Variants in SLC25A31 observed in about 807,000 individuals in gnomAD.
The protein encoded by SLC25A31 is ADP/ATP translocase 4.
A neutral mutation model predicts 36.2 loss-of-function variants in SLC25A31; 40 were observed. That is an observed-to-expected ratio of 1.10 (90% CI 0.86 to 1.44). SLC25A31 has a LOEUF of 1.44. SLC25A31 is among the 40% of genes most tolerant of loss of function. The pLI is 0.00. For missense variants in SLC25A31, 350 were observed against 397.1 expected (o/e 0.88, Z 1.01); for synonymous variants, 143 against 149.7 (o/e 0.96, Z 0.32).
chr4:127,772,741 A>C (rs1272414604), intron 5 of SLC25A31, among the ~76,000 whole-genome samples: 2 of 151,788 alleles, frequency 1.3e-5, no homozygotes, highest in African/African-American at 4.8e-5. Context: ...ATTTTCTGAG[A>C]AGAAGTGTTC....
intron 5 of SLC25A31, among the ~76,000 whole-genome samples, chr4:127,771,082 G>A (rs996776225): frequency 4.7e-5 from 7 of 148,768 alleles, no homozygotes; most frequent in Admixed American, 6.7e-5. Context: ...TCAGCCTCCC[G>A]AGTAGCTGAG....
At chr4:127,756,437 G>A (rs1366014644) in intron 2 of SLC25A31, among the ~76,000 whole-genome samples, 1 of 152,124 alleles carries the variant, frequency 6.6e-6, no homozygotes, top group South Asian at 2.1e-4. Flanking sequence ...ATGGAGCGTG[G>A]GGGGATGAGG....
Position 127,730,419 on chromosome 4 carries a change from A to C in SLC25A31, c.-127A>C, listed in dbSNP as rs993659573. The C allele has an allele frequency of 1.4e-5, 15 of 1,038,226 alleles. No homozygotes were observed. The highest frequency in any genetic ancestry group is 3.2e-5 in the African/African-American group (2 of 61,958). The allele number at this position is 1,038,226 out of a possible 1,614,324, so 64.3% of individuals were successfully genotyped here. Reference sequence around the variant, plus strand: ...CGCCTCGCCGGCGCGCGGCTCTCTCAGCGTCCCAAGAGCCACTTTCTCGCC... The same window carrying C: ...CGCCTCGCCGGCGCGCGGCTCTCTCCGCGTCCCAAGAGCCACTTTCTCGCC... On this transcript the variant is annotated 5_prime_UTR_variant, in exon 1 of 6. Coordinates refer to ENST00000281154, the MANE Select transcript of SLC25A31 (RefSeq NM_031291.4).
rs1319092389 is a variant in SLC25A31 at position 127,738,703 on chromosome 4, T to C, written c.233-5969T>C. On this transcript the variant is annotated intron_variant, in intron 1 of 5. Coordinates refer to ENST00000281154, the MANE Select transcript of SLC25A31 (RefSeq NM_031291.4). ...TGATGGTCTAAAGCTGTTGGTGGGG[T>C]GTTGAAGTCCCCCACTCTTATTGTG... Among the ~76,000 whole-genome samples, 6 of 152,156 alleles carry C rather than the reference T, an allele frequency of 3.9e-5. No homozygotes were observed. In the East Asian group the frequency reaches 1.2e-3, roughly 29 times the overall value.
chr4:127,742,431 A>G (rs1247598696), intron 1 of SLC25A31, among the ~76,000 whole-genome samples: 2 of 152,248 alleles, frequency 1.3e-5, no homozygotes, highest in East Asian at 3.9e-4. Context: ...CCTTCTTCTT[A>G]TTCCTCCCTA....
chr4:127,761,466 A>G (rs1732128333), intron 2 of SLC25A31, among the ~76,000 whole-genome samples: 1 of 152,146 alleles, frequency 6.6e-6, no homozygotes, highest in Non-Finnish European at 1.5e-5. Flanking sequence ...TGGCACTTGA[A>G]TTTCAGCCAC....
Position 127,730,488 on chromosome 4 carries a change from T to G in SLC25A31, c.-58T>G, listed in dbSNP as rs1412399518. 1.3e-6 allele frequency: 2 copies of G among 1,549,746 alleles called. No homozygotes were observed. Among genetic ancestry groups the G allele is most frequent in the Non-Finnish European group, 1.8e-6 (2 of 1,128,434 alleles). On this transcript the variant is annotated 5_prime_UTR_variant, in exon 1 of 6. Coordinates refer to ENST00000281154, the MANE Select transcript of SLC25A31 (RefSeq NM_031291.4). ...TTTTCCGGTTTTCCGCTTCCCTTCA[T>G]CGTAGCTCCCGTACTCATTTTTAGC...
intron 1 of SLC25A31, among the ~76,000 whole-genome samples, chr4:127,743,505 A>G (rs1394810439): frequency 6.6e-6 from 1 of 152,202 alleles, no homozygotes; most frequent in African/African-American, 2.4e-5. Flanking sequence ...AACCTACATA[A>G]TAAGCATAAT....
intron 5 of SLC25A31, among the ~76,000 whole-genome samples, chr4:127,772,458 T>A (rs1258907050): frequency 6.6e-6 from 1 of 152,172 alleles, no homozygotes; most frequent in Non-Finnish European, 1.5e-5. Flanking sequence ...CCTCAAACAA[T>A]ATTTCCAAAC....
intron 1 of SLC25A31, among the ~76,000 whole-genome samples, chr4:127,740,419 C>T (rs1578657045): frequency 6.6e-6 from 1 of 152,104 alleles, no homozygotes; most frequent in African/African-American, 2.4e-5. Flanking sequence ...GCATGTATGT[C>T]AGCAGGTTTT....
chr4:127,731,816 A>C (rs1376011369), intron 1 of SLC25A31, among the ~76,000 whole-genome samples: 1 of 152,094 alleles, frequency 6.6e-6, no homozygotes, highest in African/African-American at 2.4e-5. Context: ...AAAAAAAAAA[A>C]CTTTAAACTA....
chr4:127,752,138 T>C (rs1731945659), intron 2 of SLC25A31, among the ~76,000 whole-genome samples: 1 of 152,206 alleles, frequency 6.6e-6, no homozygotes, highest in Non-Finnish European at 1.5e-5. Context: ...ATTGCGGCAC[T>C]ATTCACAATA....
chr4:127,734,726 A>G (rs1262387277), intron 1 of SLC25A31, among the ~76,000 whole-genome samples: 1 of 152,062 alleles, frequency 6.6e-6, no homozygotes, highest in Non-Finnish European at 1.5e-5. Flanking sequence ...TTAATATCCT[A>G]GGGTCCATCT....
intron 2 of SLC25A31, among the ~76,000 whole-genome samples, chr4:127,751,216 A>T (rs1330800622): frequency 6.6e-6 from 1 of 152,204 alleles, no homozygotes; most frequent in African/African-American, 2.4e-5. Context: ...TACTGGTATC[A>T]AAACAGAGAT....
chr4:127,766,702 G>A (rs1266081288), intron 3 of SLC25A31, among the ~76,000 whole-genome samples: 1 of 152,136 alleles, frequency 6.6e-6, no homozygotes. Flanking sequence ...GCCTCAAGCA[G>A]TCCTTCTGCC....
chr4:127,738,120 G>C (rs1030548894), intron 1 of SLC25A31, among the ~76,000 whole-genome samples: 1 of 152,138 alleles, frequency 6.6e-6, no homozygotes, highest in Non-Finnish European at 1.5e-5. Context: ...CCAGGCTGGA[G>C]TGTGGTGGCA....
Position 127,767,233 on chromosome 4 carries a change from C to A in SLC25A31, c.633+13C>A. ...TGACACAGTTAAGGTAATCTGGGGG[C>A]TTTAACTTGGACATATTAAATATAT... On this transcript the variant is annotated intron_variant, in intron 4 of 5. Transcript: ENST00000281154. The A allele has an allele frequency of 6.5e-7, 1 of 1,536,586 alleles. No individual in the cohort carries two copies. The highest frequency in any genetic ancestry group is 8.7e-7 in the Non-Finnish European group (1 of 1,142,912).
intron 1 of SLC25A31, among the ~76,000 whole-genome samples, chr4:127,738,566 G>A (rs1472597070): frequency 6.6e-6 from 1 of 152,212 alleles, no homozygotes; most frequent in Admixed American, 6.5e-5. Flanking sequence ...ATGTGTAGAA[G>A]AGAAGAATGT....
At chr4:127,760,112 A>T (rs2148761887) in intron 2 of SLC25A31, among the ~76,000 whole-genome samples, 1 of 152,286 alleles carries the variant, frequency 6.6e-6, no homozygotes, top group East Asian at 1.9e-4. Flanking sequence ...AGTCATGTTA[A>T]ACTGACAAAA....
Sources: allele counts gnomAD v4.1 joint callset (sites outside exome capture counted in the v4.1 genomes callset), GRCh38; gene constraint gnomAD v4.1.1; transcripts MANE v1.5; gene names NCBI Gene and HGNC (gene_info 2026-07-23, HGNC 2026-07-21).